HS6ST3: variants seen among roughly 807,000 people sequenced by gnomAD.
HS6ST3 encodes the protein heparan-sulfate 6-O-sulfotransferase 3.
In HS6ST3, 12 loss-of-function variants were observed where a neutral mutation model predicts 36.7. That is an observed-to-expected ratio of 0.33 (90% CI 0.21 to 0.53). The LOEUF (loss-of-function observed/expected upper bound fraction) is 0.53, where lower values mean the gene tolerates loss of function less well. HS6ST3 is among the 20% of genes least tolerant of loss of function. The pLI, the probability that HS6ST3 is intolerant of heterozygous loss-of-function variation, is 0.95. For missense variants in HS6ST3, 584 were observed against 640.9 expected (o/e 0.91, Z 0.96); for synonymous variants, 240 against 257.5 (o/e 0.93, Z 0.65).
At chr13:96,430,764 G>C (rs956193049) in intron 1 of HS6ST3, among the ~76,000 whole-genome samples, 1 of 152,172 alleles carries the variant, frequency 6.6e-6, no homozygotes, top group African/African-American at 2.4e-5. Flanking sequence ...ACTCCCTTCG[G>C]AAGCTGCTGC....
intron 1 of HS6ST3, among the ~76,000 whole-genome samples, chr13:96,213,930 T>C (rs1314252747): frequency 6.6e-6 from 1 of 152,184 alleles, no homozygotes; most frequent in African/African-American, 2.4e-5. Flanking sequence ...GTGAAATATT[T>C]ATACCTATGA....
intron 1 of HS6ST3, among the ~76,000 whole-genome samples, chr13:96,793,981 C>A (rs1490437979): frequency 3.3e-5 from 5 of 151,900 alleles, no homozygotes; most frequent in African/African-American, 1.2e-4. Context: ...GATAATAATG[C>A]ATTTTATTTT....
intron 1 of HS6ST3, among the ~76,000 whole-genome samples, chr13:96,399,419 A>G (rs144033862): frequency 9.8e-5 from 15 of 152,328 alleles, no homozygotes; most frequent in African/African-American, 3.4e-4. Flanking sequence ...TTAGATTAAT[A>G]GCAAGATTAC....
intron 1 of HS6ST3, among the ~76,000 whole-genome samples, chr13:96,508,138 T>G (rs2056034114): frequency 2.0e-5 from 3 of 152,116 alleles, no homozygotes; most frequent in African/African-American, 7.2e-5. Context: ...GTTACATGAT[T>G]ATGTTTTATG....
At position 96,832,972 on chromosome 13, in the gene HS6ST3, T is replaced by C. The variant is rs746155531; in HGVS notation, c.1190T>C (p.Ile397Thr). 2.7e-5 allele frequency: 44 copies of C among 1,613,932 alleles called. No individual in the cohort carries two copies. The Admixed American group carries it at 5.5e-4, about 20-fold the overall frequency. ...ATCAACGAGGGTGCCCGCCAACGCA[T>C]TGAGGATCTAAACTTCCTGGACATG... The part of the protein sequence containing the change: ...VEINEGARQR[I>T]EDLNFLDMQL... The change falls in exon 2 of 2, where the codon ATT becomes ACT. Residue 397 changes from isoleucine to threonine, a missense_variant. By Grantham distance (89) the Ile-to-Thr change is moderately conservative (BLOSUM62 -1). Around this residue, in one of 3 missense-constraint regions of HS6ST3, gnomAD observed 360 missense variants for 411.3 expected, o/e 0.88. Coordinates refer to ENST00000376705, the MANE Select transcript of HS6ST3 (RefSeq NM_153456.4).
chr13:96,477,819 G>A (rs2055871361), intron 1 of HS6ST3, among the ~76,000 whole-genome samples: 1 of 151,970 alleles, frequency 6.6e-6, no homozygotes, highest in African/African-American at 2.4e-5. Flanking sequence ...GCAGTGAGCC[G>A]AGATCGCACC....
intron 1 of HS6ST3, among the ~76,000 whole-genome samples, chr13:96,565,082 A>G (rs1003689882): frequency 2.6e-5 from 4 of 151,876 alleles, no homozygotes; most frequent in African/African-American, 9.7e-5. Flanking sequence ...TCTGCTTGAC[A>G]TAGTGAATTG....
intron 1 of HS6ST3, among the ~76,000 whole-genome samples, chr13:96,621,513 C>G (rs948684010): frequency 3.5e-4 from 53 of 152,134 alleles, no homozygotes; most frequent in African/African-American, 1.3e-3. Flanking sequence ...AACCTCCTTT[C>G]TTTATAAATT....
intron 1 of HS6ST3, among the ~76,000 whole-genome samples, chr13:96,735,579 G>A (rs1876262807): frequency 6.6e-6 from 1 of 152,122 alleles, no homozygotes; most frequent in Admixed American, 6.5e-5. Flanking sequence ...ACAATGAAGA[G>A]ACCCAAGATC....
intron 1 of HS6ST3, among the ~76,000 whole-genome samples, chr13:96,552,552 C>T (rs2056223418): frequency 6.6e-6 from 1 of 152,184 alleles, no homozygotes; most frequent in African/African-American, 2.4e-5. Context: ...CTGTGGATGT[C>T]ATCCTGCTGC....
intron 1 of HS6ST3, among the ~76,000 whole-genome samples, chr13:96,416,819 C>T (rs1308855840): frequency 1.3e-5 from 2 of 149,076 alleles, no homozygotes; most frequent in African/African-American, 5.0e-5. Flanking sequence ...GTGGCACGAT[C>T]TCGGCTCACT....
intron 1 of HS6ST3, among the ~76,000 whole-genome samples, chr13:96,729,614 G>A (rs1046702924): frequency 2.0e-5 from 3 of 150,420 alleles, no homozygotes; most frequent in African/African-American, 7.3e-5. Context: ...ATGCCACCAT[G>A]CCCAGCTAAT....
intron 1 of HS6ST3, among the ~76,000 whole-genome samples, chr13:96,133,369 G>A (rs979875587): frequency 1.1e-4 from 17 of 150,396 alleles, no homozygotes; most frequent in Non-Finnish European, 2.2e-4. Context: ...CTCGTGATCC[G>A]CCCGCCTCGG....
intron 1 of HS6ST3, among the ~76,000 whole-genome samples, chr13:96,243,894 T>A (rs1237456341): frequency 6.6e-6 from 1 of 151,762 alleles, no homozygotes; most frequent in Non-Finnish European, 1.5e-5. Context: ...TTTTTCTTTT[T>A]TGAGGGGGTG....
intron 1 of HS6ST3, among the ~76,000 whole-genome samples, chr13:96,530,559 G>T (rs1433857670): frequency 2.0e-5 from 3 of 150,342 alleles, no homozygotes; most frequent in African/African-American, 4.9e-5. Flanking sequence ...CTTGAGTGTG[G>T]TAGATCAATC....
At position 96,687,417 on chromosome 13, in the gene HS6ST3, G is replaced by C. The variant is rs530639482; in HGVS notation, c.708-145073G>C. ...CTTTGAATTTGGGCAACTTATGTTT[G>C]TAACACATCTAGACAGGGTGAATTT... On this transcript the variant is annotated intron_variant, in intron 1 of 1. Coordinates refer to ENST00000376705, the MANE Select transcript of HS6ST3 (RefSeq NM_153456.4). Among the ~76,000 whole-genome samples, 3 of 152,082 alleles carry C rather than the reference G, an allele frequency of 2.0e-5. No homozygotes were observed. The East Asian group carries it at 5.8e-4, about 29-fold the overall frequency.
chr13:96,573,041 C>CAAGGACATGGTGCAGAGAA (rs2056306733), intron 1 of HS6ST3, among the ~76,000 whole-genome samples: 1 of 152,150 alleles, frequency 6.6e-6, no homozygotes, highest in South Asian at 2.1e-4. Flanking sequence ...CACCCTAACT[C>CAAGGACATGGTGCAGAGAA]AAGGACATGG....
At chr13:96,740,659 A>G (rs907054090) in intron 1 of HS6ST3, among the ~76,000 whole-genome samples, 9 of 152,130 alleles carry the variant, frequency 5.9e-5, no homozygotes, top group African/African-American at 2.2e-4. Flanking sequence ...TAAGGGGAGA[A>G]TTGGTGATAT....
intron 1 of HS6ST3, among the ~76,000 whole-genome samples, chr13:96,223,484 G>A (rs2054465420): frequency 6.6e-6 from 1 of 152,200 alleles, no homozygotes; most frequent in Non-Finnish European, 1.5e-5. Flanking sequence ...TGTTGGCAGT[G>A]TTGATATACA....
Sources: allele counts gnomAD v4.1 joint callset (sites outside exome capture counted in the v4.1 genomes callset), GRCh38; gene constraint gnomAD v4.1.1; regional missense constraint gnomAD v4.1.1; transcripts MANE v1.5; gene names NCBI Gene and HGNC (gene_info 2026-07-23, HGNC 2026-07-21).